Variants in F11 observed in about 807,000 individuals in gnomAD.
The protein encoded by F11 is coagualtion factor XI.
Under a neutral mutation model 76.5 loss-of-function variants are expected in F11, and 78 were observed. The observed-to-expected ratio is 1.02, with a 90% CI of 0.85 to 1.23. F11 has a LOEUF of 1.23. Among genes scored for constraint, F11 ranks in the 50% most tolerant of loss-of-function variants. F11 has a pLI of 0.00. For synonymous variants in F11, 278 were observed against 276.3 expected, an observed-to-expected ratio of 1.01 and a Z score of -0.06; for missense variants, 742 against 771.4, an observed-to-expected ratio of 0.96 and a Z score of 0.45.
In F11 at chr4:186,276,291, T is replaced by C. The variant is rs765317265; in HGVS notation, c.656T>C (p.Met219Thr). 3 of 1,614,050 alleles carry C rather than the reference T, an allele frequency of 1.9e-6. No homozygotes were observed. Among genetic ancestry groups the C allele is most frequent in the African/African-American group, 1.3e-5 (1 of 74,914 alleles). ...GCAGACAGCAACATCGACAGTGTCA[T>C]GGCTCCCGATGCTTTTGTCTGTGGC... ...VFADSNIDSV[M>T]APDAFVCGRI... is the part of the protein sequence containing the mutation. Residue 219 changes from methionine to threonine, a missense_variant, in exon 7 of 15, where the codon ATG becomes ACG. Coordinates refer to ENST00000403665, the MANE Select transcript of F11 (RefSeq NM_000128.4).
chr4:186,284,075 CA>C lies in F11; in HGVS notation c.1136-15del. The stretch of plus-strand genomic sequence containing the variant: ...GGAAGATGTAGGAAGCTGCTCATCA[CA>C]ATGCTTCTGTTGCAGAGTGTACCAC... On this transcript the variant is annotated splice_polypyrimidine_tract_variant and intron_variant, in intron 10 of 14. Transcript: ENST00000403665. 3 of 1,614,204 alleles carry C rather than the reference CA, an allele frequency of 1.9e-6. No homozygotes were observed. The highest frequency in any genetic ancestry group is 2.5e-6 in the Non-Finnish European group (3 of 1,180,044).
At chr4:186,280,630 C>T (rs553400624) in intron 10 of F11, 50 bp downstream of exon 10, 4 of 1,343,640 alleles carry the variant, frequency 3.0e-6, no homozygotes, top group Middle Eastern at 1.8e-4. Flanking sequence ...TTATTCCATG[C>T]TTCATACATC....
intron 5 of F11, chr4:186,275,074 C>A: frequency 2.5e-6 from 1 of 402,506 alleles, no homozygotes; most frequent in Non-Finnish European, 5.0e-6. Context: ...CATGATTTGA[C>A]TTGTAAGGCT....
chr4:186,284,346 A>C, intron 11 of F11, 86 bp downstream of exon 11: 1 of 1,296,076 alleles, frequency 7.7e-7, no homozygotes. Context: ...TAAATACTTT[A>C]ACCAATTAGA....
At chr4:186,267,661 G>C (rs758172287) in intron 2 of F11, among the ~76,000 whole-genome samples, 8 of 152,056 alleles carry the variant, frequency 5.3e-5, no homozygotes, top group Non-Finnish European at 7.4e-5. Flanking sequence ...TGCTAAATTT[G>C]TTTATAAATT....
chr4:186,266,393 G>A (rs1179159838), intron 1 of F11, 98 bp downstream of exon 1: 2 of 152,142 alleles, frequency 1.3e-5, no homozygotes, highest in Non-Finnish European at 2.9e-5. Flanking sequence ...CTTTACAATA[G>A]AGAATGATTG....
At chr4:186,276,087 A>C in intron 6 of F11, 144 bp from the exon 7 acceptor site, 1 of 1,028,984 alleles carries the variant, frequency 9.7e-7, no homozygotes, top group East Asian at 2.6e-5. Context: ...TAAAATAATC[A>C]TGCCATTTTC....
In F11 at chr4:186,280,538, G is replaced by A. The variant is rs748671250; in HGVS notation, c.1093G>A (p.Gly365Ser). 1.4e-5 allele frequency: 23 copies of A among 1,614,036 alleles called. No individual in the cohort carries two copies. The Admixed American group carries it at 3.8e-4, about 27-fold the overall frequency. The change falls in exon 10 of 15, where the codon GGC (glycine) becomes AGC (serine). Residue 365 changes from glycine (G) to serine (S), a missense_variant. Physicochemically the swap from Gly to Ser is moderately conservative, Grantham distance 56. Coordinates refer to ENST00000403665, the MANE Select transcript of F11 (RefSeq NM_000128.4). Reference sequence around the variant, plus strand: ...AACTAAAATACTTCACGGGAGAGGAGGCATCTCTGGATACACATTAAGGTT... The same window carrying A: ...AACTAAAATACTTCACGGGAGAGGAAGCATCTCTGGATACACATTAAGGTT... ...SPTKILHGRG[G>S]ISGYTLRLCK...
chr4:186,290,163 TATGAG>T (rs1378082277), downstream of F11, among the ~76,000 whole-genome samples: 8 of 151,968 alleles, frequency 5.3e-5, no homozygotes, highest in African/African-American at 1.9e-4. Context: ...CACCAGATTC[TATGAG>T]ATAAGAAAGG....
chr4:186,279,199 T>C (rs1740598834), intron 7 of F11, among the ~76,000 whole-genome samples: 1 of 152,110 alleles, frequency 6.6e-6, no homozygotes, highest in South Asian at 2.1e-4. Flanking sequence ...CTGGCCAACA[T>C]GGTGAAACCC....
At chr4:186,284,963 A>G (rs560066532) in intron 11 of F11, among the ~76,000 whole-genome samples, 32 of 152,244 alleles carry the variant, frequency 2.1e-4, no homozygotes, top group African/African-American at 7.2e-4. Context: ...GTAAATAAAT[A>G]AAATACAGAA....
intron 7 of F11, among the ~76,000 whole-genome samples, chr4:186,277,355 T>C (rs1431397939): frequency 2.0e-5 from 3 of 152,324 alleles, no homozygotes; most frequent in Non-Finnish European, 2.9e-5. Context: ...TTGTGAATAG[T>C]GCTGCAGTAA....
Position 186,273,154 on chromosome 4 carries a change from A to G in F11, c.302A>G (p.Lys101Arg), listed in dbSNP as rs281875272. The G allele has an allele frequency of 1.1e-5, 17 of 1,613,636 alleles. No homozygotes were observed. The highest frequency in any genetic ancestry group is 1.4e-5 in the Non-Finnish European group (17 of 1,179,654). The change falls in exon 4 of 15, where the codon AAG becomes AGG. Residue 101 changes from lysine to arginine, a missense_variant. Lys to Arg is a conservative substitution (Grantham distance 26). Transcript: ENST00000403665. ...GCAGCGATTTCTGGGTATTCTTTCA[A>G]GCAATGCTCACACCAAATAAGCGGT... Reference protein sequence around the residue: ...RTAAISGYSFKQCSHQISACN... With the variant: ...RTAAISGYSFRQCSHQISACN...
At chr4:186,288,414 G>A (rs574768452) in intron 14 of F11, 39 bp from the exon 15 acceptor site, 10 of 1,613,792 alleles carry the variant, frequency 6.2e-6, no homozygotes, top group East Asian at 2.2e-5. Flanking sequence ...AAGCGTCTGA[G>A]TTGATCTGTG....
chr4:186,287,098 C>T (rs941139054), intron 13 of F11, among the ~76,000 whole-genome samples: 3 of 151,772 alleles, frequency 2.0e-5, no homozygotes, highest in Non-Finnish European at 4.4e-5. Flanking sequence ...CTCAGCCTCC[C>T]GAGTAGCTGG....
At chr4:186,279,198 A>G (rs565198756) in intron 7 of F11, among the ~76,000 whole-genome samples, 13 of 152,290 alleles carry the variant, frequency 8.5e-5, no homozygotes, top group Middle Eastern at 3.4e-3. Context: ...CCTGGCCAAC[A>G]TGGTGAAACC....
chr4:186,275,941 C>T, intron 6 of F11, 45 bp downstream of exon 6: 2 of 1,416,822 alleles, frequency 1.4e-6, no homozygotes, highest in Non-Finnish European at 2.0e-6. Flanking sequence ...ATTAAATATG[C>T]TGATGATTAC....
intron 2 of F11, among the ~76,000 whole-genome samples, chr4:186,267,932 A>G (rs1739624290): frequency 6.6e-6 from 1 of 152,184 alleles, no homozygotes; most frequent in African/African-American, 2.4e-5. Context: ...CATAATTTCA[A>G]TTTTCTCTGT....
chr4:186,281,804 C>A, intron 10 of F11: 1 of 1,005,976 alleles, frequency 9.9e-7, no homozygotes, highest in Non-Finnish European at 1.3e-6. Context: ...CAAAAACATT[C>A]TGTGTCAGAT....
Sources: gnomAD v4.1 joint callset for allele counts (sites outside exome capture counted in the v4.1 genomes callset) on GRCh38, gnomAD v4.1.1 for gene constraint, MANE v1.5 for transcripts, NCBI Gene and HGNC (gene_info 2026-07-23, HGNC 2026-07-21) for gene names.